The following DIAPH2 variants were observed in gnomAD, a reference collection of about 807,000 sequenced individuals.
DIAPH2 encodes the protein diaphanous related formin 2.
Under a neutral mutation model 92.7 loss-of-function variants are expected in DIAPH2, and 35 were observed. The ratio of observed to expected loss-of-function variants is 0.38; its 90% CI spans 0.29 to 0.50. DIAPH2 has a LOEUF of 0.50. DIAPH2 is among the 20% of genes least tolerant of loss of function. The pLI, the probability that DIAPH2 is intolerant of heterozygous loss-of-function variation, is 0.94. For synonymous variants in DIAPH2, 301 were observed against 280.4 expected, an observed-to-expected ratio of 1.07 and a Z score of -0.73; for missense variants, 701 against 819.5, an observed-to-expected ratio of 0.86 and a Z score of 1.77.
chrX:97,301,552 A>G (rs1037731281), intron 23 of DIAPH2, among the ~76,000 whole-genome samples: 6 of 111,810 alleles, frequency 5.4e-5, no homozygotes, highest in African/African-American at 2.0e-4. Context: ...ATAAGCACAA[A>G]GATGTTAGCA....
At chrX:97,527,831 A>G (rs1287171172) in intron 26 of DIAPH2, among the ~76,000 whole-genome samples, 1 of 111,984 alleles carries the variant, frequency 8.9e-6, no homozygotes, top group Non-Finnish European at 1.9e-5. Flanking sequence ...GAAGACTTCA[A>G]ATGACACGTG....
At chrX:97,158,561 G>A (rs2067342019) in intron 22 of DIAPH2, among the ~76,000 whole-genome samples, 1 of 112,182 alleles carries the variant, frequency 8.9e-6, no homozygotes, top group African/African-American at 3.2e-5. Flanking sequence ...TTTTTATAGA[G>A]CTTTCTGACT....
intron 22 of DIAPH2, among the ~76,000 whole-genome samples, chrX:97,214,144 A>G (rs1225018819): frequency 1.8e-5 from 2 of 112,708 alleles, no homozygotes; most frequent in African/African-American, 6.4e-5. Flanking sequence ...GCTACTTGAT[A>G]ACTTGAAGAC....
intron 4 of DIAPH2, among the ~76,000 whole-genome samples, chrX:96,872,776 G>A (rs1461410627): frequency 1.8e-5 from 2 of 110,537 alleles, no homozygotes; most frequent in African/African-American, 3.3e-5. Context: ...TTACAAGCAT[G>A]AGCCACCACG....
intron 1 of DIAPH2, among the ~76,000 whole-genome samples, chrX:96,720,009 C>T (rs1208971067): frequency 8.9e-6 from 1 of 111,893 alleles, no homozygotes; most frequent in African/African-American, 3.2e-5. Flanking sequence ...CCCCTTCCAA[C>T]TTTCTTGCTT....
intron 26 of DIAPH2, among the ~76,000 whole-genome samples, chrX:97,435,811 CTT>C (rs1235381235): frequency 5.1e-5 from 5 of 97,877 alleles, no homozygotes; most frequent in Non-Finnish European, 2.1e-5. Context: ...TCTTTTTTTC[CTT>C]TTTTTTTTTT....
intron 4 of DIAPH2, among the ~76,000 whole-genome samples, chrX:96,790,374 A>G (rs2064491524): frequency 8.9e-6 from 1 of 111,856 alleles, no homozygotes; most frequent in Admixed American, 9.5e-5. Context: ...CCTGGCTTCA[A>G]AATTTAATTG....
chrX:96,809,128 A>G (rs1276287406), intron 4 of DIAPH2, among the ~76,000 whole-genome samples: 2 of 111,470 alleles, frequency 1.8e-5, no homozygotes, highest in East Asian at 2.8e-4. Flanking sequence ...AGTATTTAAT[A>G]TAAACAAGAT....
At chrX:96,771,025 T>C (rs1272318270) in intron 4 of DIAPH2, among the ~76,000 whole-genome samples, 2 of 111,721 alleles carry the variant, frequency 1.8e-5, no homozygotes, top group East Asian at 5.6e-4. Context: ...CACTATCGTA[T>C]CAGTTCCTTC....
At chrX:97,151,366 T>G (rs979763248) in intron 22 of DIAPH2, among the ~76,000 whole-genome samples, 2 of 111,947 alleles carry the variant, frequency 1.8e-5, no homozygotes, top group Non-Finnish European at 3.8e-5. Flanking sequence ...TCCTCTTGCT[T>G]TTACCCATGC....
At chrX:97,412,312 A>G (rs1463499813) in intron 25 of DIAPH2, among the ~76,000 whole-genome samples, 1 of 112,284 alleles carries the variant, frequency 8.9e-6, no homozygotes, top group East Asian at 2.8e-4. Flanking sequence ...TACTGGGTAC[A>G]TAACGAAATG....
chrX:97,375,929 T>C (rs998198506), intron 24 of DIAPH2, among the ~76,000 whole-genome samples: 2 of 111,434 alleles, frequency 1.8e-5, no homozygotes, highest in South Asian at 3.8e-4. Flanking sequence ...GGGCTAATTC[T>C]CCTGGTCCTT....
At chrX:96,725,906 A>G (rs940655359) in intron 1 of DIAPH2, among the ~76,000 whole-genome samples, 3 of 112,217 alleles carry the variant, frequency 2.7e-5, no homozygotes, top group African/African-American at 9.7e-5. Context: ...CAACTACATC[A>G]GAAAACTAAA....
intron 25 of DIAPH2, among the ~76,000 whole-genome samples, chrX:97,402,621 A>G (rs2069768989): frequency 1.8e-5 from 2 of 111,643 alleles, no homozygotes; most frequent in African/African-American, 3.3e-5. Flanking sequence ...TACTATTTCA[A>G]TCTTTTCTGC....
At chrX:97,060,991 C>T (rs934499247) in intron 17 of DIAPH2, among the ~76,000 whole-genome samples, 29 of 77,043 alleles carry the variant, frequency 3.8e-4, no homozygotes, top group African/African-American at 9.8e-4. Context: ...CGCACACGTG[C>T]GCATGCACAC....
At chrX:96,794,521 CA>C (rs57508608) in intron 4 of DIAPH2, among the ~76,000 whole-genome samples, 26,950 of 81,091 alleles carry the variant, frequency 0.33, 3,685 homozygotes, top group African/African-American at 0.53. Context: ...ATTAAATTGC[CA>C]AAAAAAAAAA....
intron 21 of DIAPH2, among the ~76,000 whole-genome samples, chrX:97,133,125 C>T (rs1428382797): frequency 9.0e-6 from 1 of 111,701 alleles, no homozygotes; most frequent in Non-Finnish European, 1.9e-5. Flanking sequence ...TAGTGATATC[C>T]ACGCTGCTTT....
At chrX:97,053,693 C>T (rs1383935067) in intron 17 of DIAPH2, among the ~76,000 whole-genome samples, 1 of 111,633 alleles carries the variant, frequency 9.0e-6, no homozygotes, top group Non-Finnish European at 1.9e-5. Context: ...TTTCCAGTCC[C>T]TCTTTCACAC....
At chrX:97,256,006 G>A (rs1246469048) in intron 23 of DIAPH2, among the ~76,000 whole-genome samples, 1 of 111,994 alleles carries the variant, frequency 8.9e-6, no homozygotes, top group African/African-American at 3.2e-5. Context: ...ACCCTTTCAG[G>A]CCACAAGAGA....
Sources: gnomAD v4.1 joint callset for allele counts (sites outside exome capture counted in the v4.1 genomes callset) on GRCh38, gnomAD v4.1.1 for gene constraint, MANE v1.5 for transcripts, NCBI Gene and HGNC (gene_info 2026-07-23, HGNC 2026-07-21) for gene names.